Variants in ATOSB observed in about 807,000 individuals in gnomAD.
ATOSB encodes the protein atos homolog protein B.
At chr9:35,106,445 A>G in the ATOSB span, 2 of 1,613,872 alleles carry the variant, frequency 1.2e-6, no homozygotes, top group South Asian at 2.2e-5. The surrounding 1 kb of genome is among the most constrained non-coding windows in gnomAD (Gnocchi z 4.6). Flanking sequence ...ATGAAGAGAG[A>G]GATGCCAATT....
the ATOSB span, chr9:35,111,281 T>G: frequency 1.3e-5 from 2 of 153,516 alleles, no homozygotes; most frequent in African/African-American, 2.4e-5. Flanking sequence ...CGCTCCCAAA[T>G]TGGCTCCGCG....
chr9:35,108,572 C>G, the ATOSB span: 14 of 1,201,762 alleles, frequency 1.2e-5, no homozygotes, highest in Non-Finnish European at 1.5e-5. Context: ...ACACACTTCC[C>G]CCTCTTCTCC....
At chr9:35,105,503 G>T in the ATOSB span, 5 of 1,196,444 alleles carry the variant, frequency 4.2e-6, 1 homozygote, top group Non-Finnish European at 5.8e-6. This position sits in a 1 kb window ranked among gnomAD's most constrained non-coding sequence, Gnocchi z 5.5. Context: ...ACCAGCCTAA[G>T]CAACATAGCG....
the ATOSB span, chr9:35,109,001 T>G: frequency 6.6e-6 from 1 of 152,148 alleles, no homozygotes; most frequent in Non-Finnish European, 1.5e-5. Context: ...GGCCACCATT[T>G]GAGGACTCCT....
At chr9:35,107,060 G>A in the ATOSB span, among the ~76,000 whole-genome samples, 8 of 152,068 alleles carry the variant, frequency 5.3e-5, 1 homozygote, top group African/African-American at 1.9e-4. Context: ...TGGCTTGAGC[G>A]CCTGTAATCA....
At chr9:35,105,456 C>A in the ATOSB span, 93 of 1,503,842 alleles carry the variant, frequency 6.2e-5, no homozygotes, top group East Asian at 1.8e-3. This position sits in a 1 kb window ranked among gnomAD's most constrained non-coding sequence, Gnocchi z 5.5. Context: ...CTTTGGGAGA[C>A]CCAGGTGGGA....
the ATOSB span, chr9:35,107,282 C>A: frequency 7.3e-7 from 1 of 1,360,782 alleles, no homozygotes; most frequent in Non-Finnish European, 9.7e-7. Context: ...GAGATTGTGC[C>A]ACTGCACTCC....
the ATOSB span, chr9:35,105,260 G>A: frequency 0.074 from 118,757 of 1,613,610 alleles, 9,189 homozygotes; most frequent in East Asian, 0.42. This position sits in a 1 kb window ranked among gnomAD's most constrained non-coding sequence, Gnocchi z 5.5. Context: ...GAGGGGCCTC[G>A]GTCACAGCCT....
At chr9:35,114,254 C>T in the ATOSB span, among the ~76,000 whole-genome samples, 2 of 152,218 alleles carry the variant, frequency 1.3e-5, no homozygotes, top group Non-Finnish European at 2.9e-5. Context: ...CTGCCCTAGG[C>T]CCGCCCTCTC....
At chr9:35,112,755 A>G in the ATOSB span, among the ~76,000 whole-genome samples, 3 of 152,278 alleles carry the variant, frequency 2.0e-5, no homozygotes, top group East Asian at 5.8e-4. Context: ...CACCAGAGCC[A>G]AAGAGGGAAA....
the ATOSB span, among the ~76,000 whole-genome samples, chr9:35,111,806 TCTC>T: frequency 3.3e-3 from 509 of 152,196 alleles, 3 homozygotes; most frequent in African/African-American, 0.012. Context: ...GCTCCGCCCT[TCTC>T]CTTAACCCGA....
the ATOSB span, among the ~76,000 whole-genome samples, chr9:35,115,356 C>T: frequency 3.9e-5 from 6 of 152,196 alleles, no homozygotes; most frequent in East Asian, 1.2e-3. Context: ...ACCCAGAACA[C>T]AAGTGTCTTC....
At chr9:35,107,733 C>T in the ATOSB span, 1 of 1,588,476 alleles carries the variant, frequency 6.3e-7, no homozygotes, top group Non-Finnish European at 8.6e-7. Flanking sequence ...GTGCAGCTGG[C>T]CTGGAGGGGC....
chr9:35,116,153 G>GCC, the ATOSB span: 1 of 149,368 alleles, frequency 6.7e-6, no homozygotes, highest in Admixed American at 6.7e-5. Flanking sequence ...ACCAGGACCC[G>GCC]CCCCCTCGGA....
the ATOSB span, among the ~76,000 whole-genome samples, chr9:35,114,275 T>G: frequency 6.6e-6 from 1 of 152,128 alleles, no homozygotes; most frequent in South Asian, 2.1e-4. Flanking sequence ...TGAGAGACTG[T>G]CTGGGAAGCA....
At chr9:35,107,912 A>T in the ATOSB span, 5 of 1,597,332 alleles carry the variant, frequency 3.1e-6, no homozygotes, top group Admixed American at 1.7e-5. Context: ...CACAGAGGCC[A>T]CGGTGGGAGA....
chr9:35,107,757 T>C, the ATOSB span: 1 of 1,566,826 alleles, frequency 6.4e-7, no homozygotes, highest in Non-Finnish European at 8.6e-7. Flanking sequence ...CCCTGGGGAC[T>C]CCCCCAGGGA....
the ATOSB span, among the ~76,000 whole-genome samples, chr9:35,111,952 G>A: frequency 6.6e-6 from 1 of 152,212 alleles, no homozygotes; most frequent in Non-Finnish European, 1.5e-5. Flanking sequence ...GGAAGCCCGA[G>A]GGCTTTAAAG....
chr9:35,112,549 C>G, the ATOSB span, among the ~76,000 whole-genome samples: 6 of 152,212 alleles, frequency 3.9e-5, no homozygotes, highest in Non-Finnish European at 7.3e-5. Flanking sequence ...CCCTTGTCCT[C>G]CTATTCTTTA....
Sources: allele counts gnomAD v4.1 joint callset (sites outside exome capture counted in the v4.1 genomes callset), GRCh38; gene constraint gnomAD v4.1.1; non-coding constraint Gnocchi (gnomAD v3.1); transcripts MANE v1.5; gene names NCBI Gene and HGNC (gene_info 2026-07-23, HGNC 2026-07-21).